SHTN1: variants seen among roughly 807,000 people sequenced by gnomAD.
The protein encoded by SHTN1 is shootin-1.
Under a neutral mutation model 83.1 loss-of-function variants are expected in SHTN1, and 42 were observed. That is an observed-to-expected ratio of 0.51 (90% CI 0.39 to 0.65). SHTN1 has a LOEUF of 0.65. Ranked by LOEUF, SHTN1 falls within the 30% of genes least tolerant of loss-of-function variation. The pLI, the probability that SHTN1 is intolerant of heterozygous loss-of-function variation, is 0.00. For synonymous variants in SHTN1, 224 were observed against 247.7 expected, an observed-to-expected ratio of 0.90 and a Z score of 0.90; for missense variants, 622 against 737.8, an observed-to-expected ratio of 0.84 and a Z score of 1.82.
intron 1 of SHTN1, among the ~76,000 whole-genome samples, chr10:117,000,088 G>A (rs987782087): frequency 4.6e-5 from 7 of 152,102 alleles, no homozygotes; most frequent in Admixed American, 1.3e-4. Flanking sequence ...ATAAGTACCT[G>A]GTGATTCAGA....
intron 1 of SHTN1, among the ~76,000 whole-genome samples, chr10:116,990,955 G>C (rs1451638259): frequency 6.6e-6 from 1 of 152,088 alleles, no homozygotes; most frequent in African/African-American, 2.4e-5. Context: ...GGGAGGCCGA[G>C]GCGGGTGGAT....
intron 2 of SHTN1, among the ~76,000 whole-genome samples, chr10:117,026,874 G>C (rs1852339934): frequency 6.6e-6 from 1 of 152,138 alleles, no homozygotes; most frequent in South Asian, 2.1e-4. Flanking sequence ...AGAGACCCAG[G>C]GCCTTGAGTG....
chr10:117,035,861 C>A lies in SHTN1; in HGVS notation c.-123+12584G>T, dbSNP rs555825298. Among the ~76,000 whole-genome samples, 3 of 146,754 alleles carry A rather than the reference C, an allele frequency of 2.0e-5. No homozygotes were observed. In the East Asian group the frequency reaches 6.3e-4, roughly 31 times the overall value. On this transcript the variant is annotated intron_variant, in intron 2 of 17. Transcript: ENST00000392901. ...ACTCAGGAGGCTGAGGCAGGAGAAT[C>A]GCTTGAACCTGGGAGGTGGAGGTTC...
At chr10:116,940,098 G>A (rs894500937) in intron 9 of SHTN1, among the ~76,000 whole-genome samples, 1 of 152,194 alleles carries the variant, frequency 6.6e-6, no homozygotes, top group African/African-American at 2.4e-5. Context: ...CAAGTGCTCT[G>A]AGTTGAATAC....
chr10:117,111,461 T>C (rs1853767505), intron 1 of SHTN1, among the ~76,000 whole-genome samples: 1 of 151,550 alleles, frequency 6.6e-6, no homozygotes, highest in Admixed American at 6.6e-5. Flanking sequence ...ACCTGGCTAA[T>C]TTTTGTATTT....
At chr10:117,071,767 G>A (rs1348503303) in intron 1 of SHTN1, among the ~76,000 whole-genome samples, 3 of 152,234 alleles carry the variant, frequency 2.0e-5, no homozygotes, top group African/African-American at 7.2e-5. Context: ...GGCTGGGTGC[G>A]GTGGCTCATG....
At chr10:116,917,178 C>T (rs886267270) in intron 12 of SHTN1, among the ~76,000 whole-genome samples, 3 of 152,210 alleles carry the variant, frequency 2.0e-5, no homozygotes, top group African/African-American at 7.2e-5. Context: ...CTCACCCACT[C>T]AATATCTGAG....
intron 1 of SHTN1, among the ~76,000 whole-genome samples, chr10:116,985,739 G>A (rs1174799920): frequency 6.6e-6 from 1 of 152,184 alleles, no homozygotes; most frequent in African/African-American, 2.4e-5. Context: ...CATCCATTCA[G>A]TCTGCATCTT....
chr10:117,000,730 A>G (rs1430780913), intron 1 of SHTN1, among the ~76,000 whole-genome samples: 1 of 152,174 alleles, frequency 6.6e-6, no homozygotes, highest in Non-Finnish European at 1.5e-5. Context: ...CTATTCCTCC[A>G]ATCTTTGCAG....
At chr10:117,124,128 T>C (rs1418220079) in intron 1 of SHTN1, among the ~76,000 whole-genome samples, 2 of 150,874 alleles carry the variant, frequency 1.3e-5, no homozygotes, top group African/African-American at 2.4e-5. Context: ...GGAGGGTCCC[T>C]TGAGCCTGGG....
intron 2 of SHTN1, among the ~76,000 whole-genome samples, chr10:117,024,956 A>C (rs367615530): frequency 1.9e-4 from 29 of 152,342 alleles, no homozygotes; most frequent in Middle Eastern, 6.8e-3. Flanking sequence ...TGGGGAAAAA[A>C]ACATACAATT....
At chr10:116,983,761 T>A (rs1442018845) in intron 1 of SHTN1, among the ~76,000 whole-genome samples, 1 of 151,888 alleles carries the variant, frequency 6.6e-6, no homozygotes, top group Non-Finnish European at 1.5e-5. Flanking sequence ...CACACATATA[T>A]ATATTTAGAA....
At chr10:116,908,822 T>C (rs1008966572) in intron 14 of SHTN1, among the ~76,000 whole-genome samples, 4 of 152,220 alleles carry the variant, frequency 2.6e-5, no homozygotes, top group African/African-American at 7.2e-5. Context: ...TCTCTCATCA[T>C]ACCTGATTAC....
At chr10:116,943,968 AG>A (rs745785700) in intron 8 of SHTN1, among the ~76,000 whole-genome samples, 9 of 152,192 alleles carry the variant, frequency 5.9e-5, no homozygotes, top group Non-Finnish European at 1.3e-4. Context: ...GCATGTCAAC[AG>A]GTAAGCCGGA....
intron 1 of SHTN1, among the ~76,000 whole-genome samples, chr10:117,087,107 T>C (rs965874842): frequency 1.3e-5 from 2 of 152,240 alleles, no homozygotes; most frequent in South Asian, 2.1e-4. Context: ...AGGGTCTGGA[T>C]AGAGGAAGAA....
intron 2 of SHTN1, among the ~76,000 whole-genome samples, chr10:117,040,796 A>T (rs567153445): frequency 2.0e-5 from 3 of 151,706 alleles, no homozygotes; most frequent in South Asian, 2.1e-4. Flanking sequence ...GTTTAAAAAA[A>T]TTTTTTTTTG....
At chr10:117,032,319 T>A (rs1225326316) in intron 2 of SHTN1, among the ~76,000 whole-genome samples, 1 of 152,122 alleles carries the variant, frequency 6.6e-6, no homozygotes, top group East Asian at 1.9e-4. Flanking sequence ...TTCTCCTGCC[T>A]CAGCTTCCTG....
At chr10:116,981,363 G>C (rs1483468820) in intron 1 of SHTN1, among the ~76,000 whole-genome samples, 1 of 152,076 alleles carries the variant, frequency 6.6e-6, no homozygotes, top group African/African-American at 2.4e-5. Flanking sequence ...AAAAAGATTT[G>C]ACTGACCTAG....
intron 1 of SHTN1, among the ~76,000 whole-genome samples, chr10:117,118,602 T>G (rs1387299175): frequency 2.6e-5 from 4 of 152,214 alleles, no homozygotes; most frequent in Non-Finnish European, 5.9e-5. Flanking sequence ...TGCACTCCCA[T>G]GTTTTATTGC....
Sources: allele counts gnomAD v4.1 joint callset (sites outside exome capture counted in the v4.1 genomes callset), GRCh38; gene constraint gnomAD v4.1.1; transcripts MANE v1.5; gene names NCBI Gene and HGNC (gene_info 2026-07-23, HGNC 2026-07-21).